Variants in DLG2 observed in about 807,000 individuals in gnomAD.
DLG2 encodes disks large homolog 2.
DLG2 carries 45 observed loss-of-function variants against 132.5 expected under a neutral mutation model. The observed-to-expected ratio is 0.34, with a 90% confidence interval of 0.27 to 0.44. The LOEUF (loss-of-function observed/expected upper bound fraction) is 0.44, where lower values mean the gene tolerates loss of function less well. Among genes scored for constraint, DLG2 ranks in the 20% least tolerant of loss-of-function variants. The pLI is 1.00. For synonymous variants in DLG2, 424 were observed against 419.6 expected (o/e 1.01, Z -0.13); for missense variants, 1,045 against 1,196.9 (o/e 0.87, Z 1.87).
At chr11:84,682,917 T>C (rs1011756035) in intron 6 of DLG2, among the ~76,000 whole-genome samples, 4 of 152,188 alleles carry the variant, frequency 2.6e-5, no homozygotes, top group Non-Finnish European at 5.9e-5. Flanking sequence ...ACTGGATCTA[T>C]CACTGGTTTG....
intron 2 of DLG2, among the ~76,000 whole-genome samples, chr11:85,606,971 G>T (rs1021258663): frequency 2.6e-5 from 4 of 152,044 alleles, no homozygotes; most frequent in African/African-American, 9.7e-5. Flanking sequence ...TCACCACGAG[G>T]GTCCACAGCT....
At position 85,499,190 on chromosome 11, in the gene DLG2, G is replaced by T. The variant is rs1439303262; in HGVS notation, c.40+99467C>A. Among the ~76,000 whole-genome samples the T allele has an allele frequency of 2.6e-5, 4 of 151,548 alleles. No homozygotes were observed. The East Asian group carries it at 7.7e-4, about 29-fold the overall frequency. On this transcript the variant is annotated intron_variant, in intron 3 of 27. Coordinates refer to ENST00000376104, the MANE Select transcript of DLG2 (RefSeq NM_001142699.3). The stretch of plus-strand genomic sequence containing the variant: ...GTTTTTTTAAAAGATAAACAAAATA[G>T]ACCACTAGCAAAACTAATAAAGAAG...
intron 21 of DLG2, among the ~76,000 whole-genome samples, chr11:83,518,577 A>C (rs1204760503): frequency 6.6e-6 from 1 of 152,086 alleles, no homozygotes; most frequent in Admixed American, 6.6e-5. Context: ...TGAACCCAGT[A>C]CCTCAGTTGG....
chr11:84,827,665 G>A (rs544119008), intron 6 of DLG2, among the ~76,000 whole-genome samples: 107 of 55,286 alleles, frequency 1.9e-3, no homozygotes, highest in Non-Finnish European at 3.0e-3. Flanking sequence ...CTGGAACTGA[G>A]TACATACAGT....
At chr11:84,243,418 T>C (rs2097261474) in intron 8 of DLG2, among the ~76,000 whole-genome samples, 1 of 152,202 alleles carries the variant, frequency 6.6e-6, no homozygotes, top group African/African-American at 2.4e-5. Context: ...TCTTTCCTTA[T>C]AGATGTGTAT....
intron 3 of DLG2, among the ~76,000 whole-genome samples, chr11:85,549,538 A>G (rs1402653511): frequency 6.6e-6 from 1 of 152,242 alleles, no homozygotes; most frequent in East Asian, 1.9e-4. Flanking sequence ...TCAAAAATAT[A>G]AAAACGTCAG....
At chr11:84,277,273 A>G (rs192521483) in intron 7 of DLG2, among the ~76,000 whole-genome samples, 8 of 152,340 alleles carry the variant, frequency 5.3e-5, no homozygotes, top group Admixed American at 5.2e-4. Context: ...AGCAAAATGT[A>G]CACATTTTTA....
intron 6 of DLG2, among the ~76,000 whole-genome samples, chr11:84,988,115 A>G (rs2056699465): frequency 6.6e-6 from 1 of 152,156 alleles, no homozygotes; most frequent in African/African-American, 2.4e-5. Context: ...AGAAGATATA[A>G]AAATGGCCAA....
chr11:84,871,910 G>C (rs1432958255), intron 6 of DLG2, among the ~76,000 whole-genome samples: 1 of 152,082 alleles, frequency 6.6e-6, no homozygotes. Context: ...CCTGACCTCA[G>C]GTGATCCGCC....
chr11:84,482,923 G>T (rs2099141564), intron 7 of DLG2, among the ~76,000 whole-genome samples: 3 of 152,142 alleles, frequency 2.0e-5, no homozygotes, highest in African/African-American at 7.2e-5. Flanking sequence ...GAAAATATTT[G>T]CCAAAATATT....
At chr11:84,659,383 G>T (rs189622600) in intron 6 of DLG2, among the ~76,000 whole-genome samples, 1 of 152,024 alleles carries the variant, frequency 6.6e-6, no homozygotes, top group Non-Finnish European at 1.5e-5. Flanking sequence ...GTTTGCTCTA[G>T]GTCTAGACTG....
chr11:84,317,030 C>G, intron 7 of DLG2: 1 of 1,612,846 alleles, frequency 6.2e-7, no homozygotes, highest in Non-Finnish European at 8.5e-7. Flanking sequence ...CTGACAGTTC[C>G]TCTGCCAGCC....
At chr11:85,021,046 C>T in intron 6 of DLG2, 9 of 772,470 alleles carry the variant, frequency 1.2e-5, no homozygotes, top group Non-Finnish European at 1.7e-5. Context: ...TCAATTTCTT[C>T]CAGGTTTCCC....
intron 6 of DLG2, among the ~76,000 whole-genome samples, chr11:84,740,552 C>A (rs1314774818): frequency 6.6e-6 from 1 of 152,110 alleles, no homozygotes; most frequent in Non-Finnish European, 1.5e-5. Flanking sequence ...ACAAAGCCGC[C>A]TCTGGAGTGC....
intron 11 of DLG2, among the ~76,000 whole-genome samples, chr11:83,994,143 T>C (rs1172634915): frequency 6.6e-6 from 1 of 152,200 alleles, no homozygotes; most frequent in Non-Finnish European, 1.5e-5. Context: ...CATCATTTTC[T>C]ACATAGAATT....
chr11:85,134,750 T>G (rs2076032897), intron 5 of DLG2, among the ~76,000 whole-genome samples: 1 of 151,986 alleles, frequency 6.6e-6, no homozygotes, highest in African/African-American at 2.4e-5. Flanking sequence ...TTTAAGTTCA[T>G]AGCAAATCAA....
intron 2 of DLG2, among the ~76,000 whole-genome samples, chr11:85,602,995 A>G (rs1219079024): frequency 1.3e-5 from 2 of 152,180 alleles, no homozygotes; most frequent in Admixed American, 1.3e-4. Context: ...GAGAATTTCA[A>G]TTGGGCAATA....
chr11:84,202,472 A>C (rs889384565), intron 8 of DLG2, among the ~76,000 whole-genome samples: 6 of 152,200 alleles, frequency 3.9e-5, no homozygotes, highest in Non-Finnish European at 8.8e-5. Context: ...TTAACTCAAG[A>C]TGGATTAAAG....
chr11:84,502,390 CTTT>C (rs2099221317), intron 7 of DLG2, among the ~76,000 whole-genome samples: 2 of 91,488 alleles, frequency 2.2e-5, no homozygotes, highest in Non-Finnish European at 4.2e-5. Flanking sequence ...TTCTTTCTTT[CTTT>C]CTTTCTTTCT....
Sources: allele counts gnomAD v4.1 joint callset (sites outside exome capture counted in the v4.1 genomes callset), GRCh38; gene constraint gnomAD v4.1.1; transcripts MANE v1.5; gene names NCBI Gene and HGNC (gene_info 2026-07-23, HGNC 2026-07-21).